Variants in CCDC191 observed in about 807,000 individuals in gnomAD.
CCDC191 encodes the protein coiled-coil domain containing 191.
CCDC191 carries 99 observed loss-of-function variants against 114.0 expected under a neutral mutation model. The observed-to-expected ratio is 0.87, with a 90% CI of 0.74 to 1.03. CCDC191 has a LOEUF of 1.03. Among genes scored for constraint, CCDC191 ranks in the 50% least tolerant of loss-of-function variants. CCDC191 has a pLI of 0.00. For missense variants in CCDC191, 973 were observed against 1,087.0 expected (o/e 0.90, Z 1.47); for synonymous variants, 351 against 376.0 (o/e 0.93, Z 0.77).
rs563549615 is a variant in CCDC191, at chr3:114,024,176, C to T, written c.973-5308G>A. On this transcript the variant is annotated intron_variant, in intron 7 of 16. Coordinates refer to ENST00000295878, the MANE Select transcript of CCDC191 (RefSeq NM_020817.2). ...TACCATCTCACACCAGTTAGAATGG[C>T]GATTATTAAAAAGTCAGGAAACAAC... Among the ~76,000 whole-genome samples, 13 of 152,212 alleles carry T rather than the reference C, an allele frequency of 8.5e-5. No individual in the cohort carries two copies. The South Asian group carries it at 2.3e-3, about 27-fold the overall frequency.
Position 113,965,098 on chromosome 3 carries a change from G to A in CCDC191, c.*57C>T, listed in dbSNP as rs1249206887. 2 of 1,050,076 alleles carry A rather than the reference G, an allele frequency of 1.9e-6. No individual in the cohort carries two copies. Among genetic ancestry groups the A allele is most frequent in the African/African-American group, 3.2e-5 (2 of 62,274 alleles). 65.0% of individuals were successfully genotyped at this position (1,050,076 alleles called of 1,614,324 possible). On this transcript the variant is annotated 3_prime_UTR_variant, in exon 17 of 17. Transcript: ENST00000295878. Reference sequence around the variant, plus strand: ...GTATGTATGTGTGTGGGTGGGTGGAGATAACACACATACAGACTAGTCGAG... The same window carrying A: ...GTATGTATGTGTGTGGGTGGGTGGAAATAACACACATACAGACTAGTCGAG...
Position 113,987,609 on chromosome 3 carries a change from C to G in CCDC191, c.2164-6816G>C, listed in dbSNP as rs72956606. 6.3e-3 allele frequency among the ~76,000 whole-genome samples: 961 copies of G among 152,260 alleles called. 12 individuals are homozygous for G. The highest frequency in any genetic ancestry group is 0.019 in the African/African-American group (793 of 41,516). Reference sequence around the variant, plus strand: ...AGATAGGGTCTTGCTATGTTACCCACGCTTGTCTCAAACTACTGGACTCAG... The same window carrying G: ...AGATAGGGTCTTGCTATGTTACCCAGGCTTGTCTCAAACTACTGGACTCAG... On this transcript the variant is annotated intron_variant, in intron 13 of 16. Coordinates refer to ENST00000295878, the MANE Select transcript of CCDC191 (RefSeq NM_020817.2).
At chr3:114,013,107 G>A (rs1307378047) in intron 8 of CCDC191, among the ~76,000 whole-genome samples, 4 of 151,972 alleles carry the variant, frequency 2.6e-5, no homozygotes, top group Admixed American at 6.6e-5. Context: ...TTAGCTGGGC[G>A]TGGTGGTGAG....
intron 16 of CCDC191, among the ~76,000 whole-genome samples, chr3:113,970,315 C>T (rs1940668767): frequency 6.6e-6 from 1 of 151,986 alleles, no homozygotes; most frequent in South Asian, 2.1e-4. Flanking sequence ...AATTTAGCTT[C>T]TTCCTTTTCA....
chr3:114,051,385 A>G (rs1275279101), intron 2 of CCDC191, among the ~76,000 whole-genome samples: 1 of 152,140 alleles, frequency 6.6e-6, no homozygotes, highest in African/African-American at 2.4e-5. Context: ...GCTGTTCCAG[A>G]GAAAACCTCC....
intron 5 of CCDC191, 35 bp downstream of exon 5, chr3:114,036,573 C>T (rs774775140): frequency 2.0e-6 from 3 of 1,477,308 alleles, no homozygotes; most frequent in Non-Finnish European, 2.8e-6. Flanking sequence ...AGACTGCTTC[C>T]TGTTATCCAT....
rs769815678 is a variant in CCDC191 at position 114,035,162 on chromosome 3, T to C, written c.595-14A>G. ...ATTTTCTTTTACCTTAAAGCAAATA[T>C]AATAAAGATGAAGTGTGGCCTTTCA... On this transcript the variant is annotated splice_polypyrimidine_tract_variant and intron_variant, in intron 5 of 16. Transcript: ENST00000295878. 1.3e-6 allele frequency: 2 copies of C among 1,583,900 alleles called. No individual in the cohort carries two copies. Among genetic ancestry groups the C allele is most frequent in the South Asian group, 1.1e-5 (1 of 89,500 alleles).
rs557602452 is a variant in CCDC191, at chr3:114,032,942, G to C, written c.819-1163C>G. The stretch of plus-strand genomic sequence containing the variant: ...AACAATGTTATATTACATGGTTATA[G>C]ACAGGTGATAGTGATTGTCAAAGAA... On this transcript the variant is annotated intron_variant, in intron 6 of 16. Transcript: ENST00000295878. Among the ~76,000 whole-genome samples the C allele has an allele frequency of 3.3e-5, 5 of 152,288 alleles. No individual in the cohort carries two copies. In the South Asian group the frequency reaches 1.0e-3, roughly 32 times the overall value.
rs948578152 is a variant in CCDC191, at chr3:114,008,931, A to G, written c.1413+1841T>C. 5.7e-4 allele frequency among the ~76,000 whole-genome samples: 87 copies of G among 152,254 alleles called. 1 individual carries two copies. Among genetic ancestry groups the G allele is most frequent in the African/African-American group, 2.0e-3 (84 of 41,554 alleles). On this transcript the variant is annotated intron_variant, in intron 9 of 16. Coordinates refer to ENST00000295878, the MANE Select transcript of CCDC191 (RefSeq NM_020817.2). ...GTGTACTTACACAAACCAGGATGGT[A>G]TAGTCTACTGCATCTAGGCTATATG... is the stretch of plus-strand genomic sequence containing the variant.
At chr3:113,998,744 T>C (rs2075789070) in intron 13 of CCDC191, among the ~76,000 whole-genome samples, 1 of 152,220 alleles carries the variant, frequency 6.6e-6, no homozygotes, top group South Asian at 2.1e-4. Context: ...GGTTATATTT[T>C]GTTCTCACTG....
chr3:114,003,371 A>G (rs1334441706), intron 11 of CCDC191: 2 of 985,222 alleles, frequency 2.0e-6, no homozygotes, highest in Admixed American at 1.2e-4. Context: ...TAATAAACAA[A>G]AAACTCACCA....
intron 3 of CCDC191, among the ~76,000 whole-genome samples, chr3:114,044,907 CTT>C (rs2076608734): frequency 6.6e-6 from 1 of 151,872 alleles, no homozygotes; most frequent in African/African-American, 2.4e-5. Flanking sequence ...CAGAACACTA[CTT>C]TTGTAGAATA....
intron 1 of CCDC191, among the ~76,000 whole-genome samples, chr3:114,055,512 C>T (rs1447481004): frequency 2.0e-5 from 3 of 152,166 alleles, no homozygotes. Flanking sequence ...GAATAAATCG[C>T]AAGAACAATC....
At chr3:114,022,935 A>G (rs1031093559) in intron 7 of CCDC191, among the ~76,000 whole-genome samples, 3 of 152,152 alleles carry the variant, frequency 2.0e-5, no homozygotes, top group African/African-American at 2.4e-5. Flanking sequence ...GTTTGCAGAC[A>G]ACATGATTGT....
intron 7 of CCDC191, among the ~76,000 whole-genome samples, chr3:114,021,116 C>T (rs527472100): frequency 3.3e-5 from 5 of 152,198 alleles, no homozygotes; most frequent in African/African-American, 1.2e-4. Flanking sequence ...AAAAACATCT[C>T]TCCTGAAAAA....
intron 9 of CCDC191, 171 bp from the exon 10 acceptor site, chr3:114,006,133 A>T: frequency 1.4e-6 from 1 of 697,222 alleles, no homozygotes; most frequent in Admixed American, 2.0e-5. Flanking sequence ...CTCTTAAAAC[A>T]TGCATTGCTG....
intron 13 of CCDC191, among the ~76,000 whole-genome samples, chr3:113,982,653 A>G (rs2075199505): frequency 6.6e-6 from 1 of 151,990 alleles, no homozygotes; most frequent in Non-Finnish European, 1.5e-5. Context: ...AAAAAAGTAC[A>G]GGGCAATTGA....
chr3:114,053,772 G>T, intron 1 of CCDC191, 137 bp from the exon 2 acceptor site: 1 of 521,020 alleles, frequency 1.9e-6, no homozygotes, highest in Non-Finnish European at 3.4e-6. Flanking sequence ...AGAAAGTTCA[G>T]CATGATTAGC....
At chr3:114,024,150 G>A (rs1203796783) in intron 7 of CCDC191, among the ~76,000 whole-genome samples, 4 of 152,140 alleles carry the variant, frequency 2.6e-5, no homozygotes, top group Admixed American at 6.6e-5. Context: ...CCACAATGAA[G>A]TACCATCTCA....
Sources: gnomAD v4.1 joint callset for allele counts (sites outside exome capture counted in the v4.1 genomes callset) on GRCh38, gnomAD v4.1.1 for gene constraint, MANE v1.5 for transcripts, NCBI Gene and HGNC (gene_info 2026-07-23, HGNC 2026-07-21) for gene names.